KDM1A: variants seen among roughly 807,000 people sequenced by gnomAD.
The protein encoded by KDM1A is lysine demethylase 1A.
A neutral mutation model predicts 109.4 loss-of-function variants in KDM1A; 49 were observed. The observed-to-expected ratio is 0.45, with a 90% CI of 0.36 to 0.57. The LOEUF (loss-of-function observed/expected upper bound fraction) is 0.57. Among genes scored for constraint, KDM1A ranks in the 20% least tolerant of loss-of-function variants. KDM1A has a pLI of 0.00. For missense variants in KDM1A, 668 were observed against 1,116.6 expected (o/e 0.60, Z 5.73); for synonymous variants, 380 against 415.4 (o/e 0.91, Z 1.04).
intron 3 of KDM1A, among the ~76,000 whole-genome samples, chr1:23,047,749 A>G (rs1389655485): frequency 6.6e-6 from 1 of 152,056 alleles, no homozygotes; most frequent in Non-Finnish European, 1.5e-5. Context: ...AAATATAAAA[A>G]AATTAGACAT....
intron 1 of KDM1A, among the ~76,000 whole-genome samples, chr1:23,027,647 A>G (rs914663249): frequency 6.6e-6 from 1 of 150,620 alleles, no homozygotes; most frequent in Non-Finnish European, 1.5e-5. Flanking sequence ...CTGGTCTAGA[A>G]GTGGGCTCAA....
rs755576939 is a variant in KDM1A at position 23,019,631 on chromosome 1, C to G, written c.35C>G (p.Ala12Gly). The G allele has an allele frequency of 7.1e-7, 1 of 1,417,318 alleles. No individual in the cohort carries two copies. The highest frequency in any genetic ancestry group is 9.1e-7 in the Non-Finnish European group (1 of 1,093,252). 87.8% of individuals were successfully genotyped at this position (1,417,318 alleles called of 1,614,324 possible). The part of the protein sequence containing the change: ...LSGKKAAAAA[A>G]AAAAAATGTE... Reference sequence around the variant, plus strand: ...GGGAAGAAGGCGGCAGCCGCGGCGGCGGCGGCTGCAGCGGCAGCAACCGGG... The same window carrying G: ...GGGAAGAAGGCGGCAGCCGCGGCGGGGGCGGCTGCAGCGGCAGCAACCGGG... The change falls in exon 1 of 21, where the codon GCG becomes GGG. Residue 12 changes from alanine to glycine, a missense_variant. Ala to Gly is a moderately conservative substitution (Grantham distance 60, BLOSUM62 0). Coordinates refer to ENST00000400181, the MANE Select transcript of KDM1A (RefSeq NM_001009999.3).
rs776382977 is a variant in KDM1A, at chr1:23,053,839, A to G, written c.790A>G (p.Ser264Gly). 6.4e-7 allele frequency: 1 copy of G among 1,555,356 alleles called. No homozygotes were observed. Among genetic ancestry groups the G allele is most frequent in the Non-Finnish European group, 8.9e-7 (1 of 1,126,692 alleles). Residue 264 changes from serine (S) to glycine (G), a missense_variant and splice_region_variant, in exon 5 of 21, where the codon AGT (serine) becomes GGT (glycine). This residue lies in a region of KDM1A where 149 missense variants were observed against 189.7 expected (regional missense o/e 0.79). Transcript: ENST00000400181. The stretch of plus-strand genomic sequence containing the variant: ...CCAACAATTAGAAGCACCTTATAAC[A>G]GTAAGTAGTGTGTTCAATAGGACTA... ...TLQQLEAPYN[S>G]DTVLVHRVHS...
chr1:23,045,896 C>T (rs1249544767), intron 3 of KDM1A, among the ~76,000 whole-genome samples: 1 of 152,074 alleles, frequency 6.6e-6, no homozygotes, highest in African/African-American at 2.4e-5. Flanking sequence ...AATGATCAAT[C>T]AGGGTTAGAA....
chr1:23,030,464 T>C lies in KDM1A; in HGVS notation c.352-5T>C, dbSNP rs1476056080. 1 of 1,552,268 alleles carries C rather than the reference T, an allele frequency of 6.4e-7. No individual in the cohort carries two copies. Among genetic ancestry groups the C allele is most frequent in the African/African-American group, 1.4e-5 (1 of 72,108 alleles). On this transcript the variant is annotated splice_polypyrimidine_tract_variant and splice_region_variant and intron_variant, in intron 1 of 20. Coordinates refer to ENST00000400181, the MANE Select transcript of KDM1A (RefSeq NM_001009999.3). ...TTAGCTTTCCCTGGTATGATCTCCA[T>C]ATAGGTAGAGTACAGAGAGATGGAT...
intron 1 of KDM1A, among the ~76,000 whole-genome samples, chr1:23,026,729 G>A (rs985420142): frequency 1.3e-5 from 2 of 152,132 alleles, no homozygotes; most frequent in Non-Finnish European, 2.9e-5. Context: ...ACATTGAGGA[G>A]TGAATGAATC....
At chr1:23,033,548 CA>C (rs1032179173) in intron 2 of KDM1A, among the ~76,000 whole-genome samples, 29 of 152,018 alleles carry the variant, frequency 1.9e-4, no homozygotes, top group African/African-American at 7.0e-4. Flanking sequence ...CAAAACAAAA[CA>C]AAAAAGTAAG....
At chr1:23,081,262 T>C in intron 18 of KDM1A, 184 bp from the exon 19 acceptor site, 1 of 608,206 alleles carries the variant, frequency 1.6e-6, no homozygotes, top group Non-Finnish European at 2.7e-6. Flanking sequence ...TACTGGCTGG[T>C]GTCTGGCGAC....
At chr1:23,064,443 G>A (rs945499909) in intron 9 of KDM1A, among the ~76,000 whole-genome samples, 7 of 152,162 alleles carry the variant, frequency 4.6e-5, no homozygotes, top group Non-Finnish European at 1.0e-4. Flanking sequence ...GGCCATTACT[G>A]CCTTTTTCTG....
chr1:23,073,427 T>G, intron 15 of KDM1A, 24 bp downstream of exon 15: 1 of 1,253,594 alleles, frequency 8.0e-7, no homozygotes, highest in Middle Eastern at 1.9e-4. Flanking sequence ...ATTGTTTATT[T>G]TATTGCACAT....
At chr1:23,077,703 G>A (rs1001693038) in intron 16 of KDM1A, among the ~76,000 whole-genome samples, 1 of 152,084 alleles carries the variant, frequency 6.6e-6, no homozygotes, top group South Asian at 2.1e-4. Context: ...TTCCATTTTG[G>A]TGACCCAGTG....
intron 18 of KDM1A, among the ~76,000 whole-genome samples, chr1:23,080,098 T>C (rs1364770699): frequency 6.6e-6 from 1 of 152,252 alleles, no homozygotes; most frequent in African/African-American, 2.4e-5. Context: ...TGGACTTAAC[T>C]GTATGTAGAC....
chr1:23,080,857 G>A (rs1196103854), intron 18 of KDM1A: 1 of 152,254 alleles, frequency 6.6e-6, no homozygotes, highest in Non-Finnish European at 1.5e-5. Flanking sequence ...TTTCCGTGTA[G>A]CCTACGTTTT....
Position 23,079,139 on chromosome 1 carries a change from T to A in KDM1A, c.2017T>A (p.Ser673Thr), listed in dbSNP as rs779900742. The A allele has an allele frequency of 6.2e-7, 1 of 1,614,136 alleles. No individual in the cohort carries two copies. Among genetic ancestry groups the A allele is most frequent in the Non-Finnish European group, 8.5e-7 (1 of 1,179,998 alleles). The change falls in exon 17 of 21, where the codon TCT (serine) becomes ACT (threonine). Residue 673 changes from serine (S) to threonine (T), a missense_variant. Physicochemically the swap from Ser to Thr is moderately conservative, Grantham distance 58 (BLOSUM62 1). Around this residue, in one of 8 missense-constraint regions of KDM1A, gnomAD observed 162 missense variants for 376.4 expected, o/e 0.43. Coordinates refer to ENST00000400181, the MANE Select transcript of KDM1A (RefSeq NM_001009999.3). This position sits in a 1 kb window ranked among gnomAD's most constrained non-coding sequence, Gnocchi z 5.6. ...FVPPLPEWKTSAVQRMGFGNL... is the reference protein window; with the variant it reads ...FVPPLPEWKTTAVQRMGFGNL... ...GCCACCTCTCCCTGAGTGGAAAACA[T>A]CTGCAGTCCAAAGGATGGGATTTGG...
intron 20 of KDM1A, chr1:23,082,693 A>G: frequency 4.4e-6 from 1 of 229,604 alleles, no homozygotes; most frequent in Non-Finnish European, 8.6e-6. Context: ...GTAAGGTCTC[A>G]ATTACTAGGG....
At position 23,079,990 on chromosome 1, in the gene KDM1A, C is replaced by T. The variant is rs1420062281; in HGVS notation, c.2170+323C>T. ...CTTCCTACCAGGGGAAGCTTGCGTT[C>T]TCATTCTCAGACTGACTTGCCCCTG... On this transcript the variant is annotated intron_variant, in intron 18 of 20. Transcript: ENST00000400181. This position sits in a 1 kb window ranked among gnomAD's most constrained non-coding sequence, Gnocchi z 5.6. 6.6e-6 allele frequency among the ~76,000 whole-genome samples: 1 copy of T among 152,170 alleles called. No homozygotes were observed. The highest frequency in any genetic ancestry group is 1.9e-4 in the East Asian group (1 of 5,194).
chr1:23,030,900 G>A (rs539302362), intron 2 of KDM1A, among the ~76,000 whole-genome samples: 1 of 152,218 alleles, frequency 6.6e-6, no homozygotes, highest in South Asian at 2.1e-4. Flanking sequence ...GGGTGGGAAT[G>A]GAAGGACAGT....
chr1:23,077,460 TTA>T, intron 16 of KDM1A, 100 bp downstream of exon 16: 1 of 1,254,950 alleles, frequency 8.0e-7, no homozygotes, highest in East Asian at 2.6e-5. Context: ...GATAGAGTGT[TTA>T]TGACACCATA....
intron 2 of KDM1A, among the ~76,000 whole-genome samples, chr1:23,033,680 A>G (rs1411847151): frequency 2.0e-5 from 3 of 152,250 alleles, no homozygotes; most frequent in Non-Finnish European, 2.9e-5. Flanking sequence ...AGCACAAGGT[A>G]TTCTGAAGTC....
Sources: allele counts gnomAD v4.1 joint callset (sites outside exome capture counted in the v4.1 genomes callset), GRCh38; gene constraint gnomAD v4.1.1; regional missense constraint gnomAD v4.1.1; non-coding constraint Gnocchi (gnomAD v3.1); transcripts MANE v1.5; gene names NCBI Gene and HGNC (gene_info 2026-07-23, HGNC 2026-07-21).